Variants in OSTM1 observed in about 807,000 individuals in gnomAD.
OSTM1 encodes the protein osteopetrosis-associated transmembrane protein 1.
OSTM1 carries 26 observed loss-of-function variants against 35.4 expected under a neutral mutation model. That is an observed-to-expected ratio of 0.73 (90% CI 0.54 to 1.02). The LOEUF is 1.02. Ranked by LOEUF, OSTM1 falls within the 50% of genes least tolerant of loss-of-function variation. OSTM1 has a pLI of 0.00. For missense variants in OSTM1, 366 were observed against 409.6 expected (o/e 0.89, Z 0.92); for synonymous variants, 181 against 165.0 (o/e 1.10, Z -0.75).
intron 5 of OSTM1, among the ~76,000 whole-genome samples, chr6:108,046,299 C>T (rs897318882): frequency 3.4e-5 from 5 of 148,026 alleles, no homozygotes; most frequent in East Asian, 2.0e-4. Context: ...GGATTACAGG[C>T]GTGAGCCACC....
chr6:108,045,696 G>A (rs1771955458), intron 5 of OSTM1, among the ~76,000 whole-genome samples: 1 of 152,164 alleles, frequency 6.6e-6, no homozygotes, highest in South Asian at 2.1e-4. Context: ...TAATGGGACT[G>A]AGTCATTAGG....
At chr6:108,063,473 G>A (rs1310488445) in intron 2 of OSTM1, among the ~76,000 whole-genome samples, 1 of 152,160 alleles carries the variant, frequency 6.6e-6, no homozygotes, top group Non-Finnish European at 1.5e-5. Context: ...TCTGTCCTAG[G>A]CTGTATTTGT....
rs192432523 is a variant in OSTM1 at position 108,059,584 on chromosome 6, C to T, written c.517+4601G>A. ...CAGAAAGATAGTTTTGGGCAGTATA[C>T]TCATTTTAATAATATTCTTTCTAGT... is the stretch of plus-strand genomic sequence containing the variant. On this transcript the variant is annotated intron_variant, in intron 2 of 5. Coordinates refer to ENST00000193322, the MANE Select transcript of OSTM1 (RefSeq NM_014028.4). 2.9e-4 allele frequency among the ~76,000 whole-genome samples: 44 copies of T among 152,258 alleles called. No individual in the cohort carries two copies. The East Asian group carries it at 7.9e-3, about 27-fold the overall frequency.
chr6:108,072,854 C>T (rs1360033523), intron 1 of OSTM1, among the ~76,000 whole-genome samples: 1 of 152,110 alleles, frequency 6.6e-6, no homozygotes, highest in Non-Finnish European at 1.5e-5. Flanking sequence ...GCCTTCCAGG[C>T]TCAAGTGATT....
intron 1 of OSTM1, among the ~76,000 whole-genome samples, chr6:108,066,514 G>A (rs577777210): frequency 8.9e-4 from 135 of 152,302 alleles, no homozygotes; most frequent in Non-Finnish European, 1.8e-3. Context: ...GTAAATCAAG[G>A]AAAAGGGAAG....
chr6:108,061,570 G>T (rs1772272161), intron 2 of OSTM1, among the ~76,000 whole-genome samples: 1 of 151,840 alleles, frequency 6.6e-6, no homozygotes, highest in Non-Finnish European at 1.5e-5. Flanking sequence ...CTGTTGCCTA[G>T]GCTGGAGTGC....
chr6:108,054,663 T>C (rs376607705), intron 2 of OSTM1, 76 bp from the exon 3 acceptor site: 13 of 712,434 alleles, frequency 1.8e-5, no homozygotes, highest in African/African-American at 3.5e-5. Context: ...TCTTAAGCTA[T>C]CAGCTTCGTT....
chr6:108,074,228 C>A (rs1772541418), intron 1 of OSTM1, 22 bp downstream of exon 1: 1 of 1,610,384 alleles, frequency 6.2e-7, no homozygotes. Context: ...AGCCACAGTC[C>A]CGGACGTGGT....
intron 3 of OSTM1, among the ~76,000 whole-genome samples, chr6:108,051,434 G>C (rs1772071809): frequency 6.6e-6 from 1 of 152,202 alleles, no homozygotes; most frequent in Non-Finnish European, 1.5e-5. Context: ...ATGTGAAGCA[G>C]ATGGCAAACT....
Position 108,071,460 on chromosome 6 carries a change from ATTTTTT to A in OSTM1, c.402+2784_402+2789del, listed in dbSNP as rs545759140. Among the ~76,000 whole-genome samples, 691 of 103,422 alleles carry A rather than the reference ATTTTTT, an allele frequency of 6.7e-3. 4 individuals carry two copies. Among genetic ancestry groups the A allele is most frequent in the African/African-American group, 0.027 (656 of 24,280 alleles). The allele number at this position is 103,422 out of a possible 152,430, so 67.8% of individuals were successfully genotyped here. ...AGCTGCGCACCACCACACCCGGCTA[ATTTTTT>A]TTTTTTTTTTTTTTTTTTGTATTTT... is the stretch of plus-strand genomic sequence containing the variant. On this transcript the variant is annotated intron_variant, in intron 1 of 5. Coordinates refer to ENST00000193322, the MANE Select transcript of OSTM1 (RefSeq NM_014028.4).
chr6:108,064,215 T>C lies in OSTM1; in HGVS notation c.487A>G (p.Asn163Asp), dbSNP rs1772338615. 3 of 1,598,468 alleles carry C rather than the reference T, an allele frequency of 1.9e-6. No homozygotes were observed. The highest frequency in any genetic ancestry group is 2.6e-6 in the Non-Finnish European group (3 of 1,167,632). Residue 163 changes from asparagine to aspartate, a missense_variant, in exon 2 of 6, where the codon AAT becomes GAT. Around this residue, in one of 3 missense-constraint regions of OSTM1, gnomAD observed 236 missense variants for 239.3 expected, o/e 0.99. Coordinates refer to ENST00000193322, the MANE Select transcript of OSTM1 (RefSeq NM_014028.4). ...CAATTTGCCTCCTGCCATGTGGTAT[T>C]AAAAAATTCTGAGAGAATCACAACT... ...QIVVILSEFF[N>D]TTWQEANCAN...
At position 108,074,301 on chromosome 6, in the gene OSTM1, G is replaced by C. The variant is rs776360383; in HGVS notation, c.351C>G (p.Pro117=). The C allele has an allele frequency of 7.7e-5, 124 of 1,612,334 alleles. No homozygotes were observed. Among genetic ancestry groups the C allele is most frequent in the Admixed American group, 1.0e-4 (6 of 59,974 alleles). Reference sequence around the variant, plus strand: ...TCTTGCTGACGACCTGTTGGAAGAGGGGGTAGCAGGTCTGACAGAGGCGCA... The same window carrying C: ...TCTTGCTGACGACCTGTTGGAAGAGCGGGTAGCAGGTCTGACAGAGGCGCA... ...RPVRLCQTCY[P]LFQQVVSKMD... Residue 117 remains proline, a synonymous_variant, in exon 1 of 6, where the codon CCC becomes CCG. Coordinates refer to ENST00000193322, the MANE Select transcript of OSTM1 (RefSeq NM_014028.4).
At chr6:108,052,147 G>A (rs545249180) in intron 3 of OSTM1, among the ~76,000 whole-genome samples, 1 of 152,234 alleles carries the variant, frequency 6.6e-6, no homozygotes, top group African/African-American at 2.4e-5. Context: ...TAAAAATTGA[G>A]CACAGGGCTG....
intron 1 of OSTM1, among the ~76,000 whole-genome samples, chr6:108,071,362 G>C (rs1772480599): frequency 6.6e-6 from 1 of 151,172 alleles, no homozygotes; most frequent in South Asian, 2.1e-4. Flanking sequence ...TTGGAGAGTG[G>C]TGGCACTATC....
chr6:108,073,348 G>A (rs1442734852), intron 1 of OSTM1, among the ~76,000 whole-genome samples: 1 of 152,058 alleles, frequency 6.6e-6, no homozygotes, highest in African/African-American at 2.4e-5. Context: ...CACACCTCGT[G>A]ACTCCCACCA....
intron 5 of OSTM1, among the ~76,000 whole-genome samples, chr6:108,047,447 T>C (rs1771997045): frequency 6.6e-6 from 1 of 152,242 alleles, no homozygotes; most frequent in Non-Finnish European, 1.5e-5. Context: ...AAAGTAAGTT[T>C]GGATTTATTC....
At position 108,074,507 on chromosome 6, in the gene OSTM1, C is replaced by A. The variant is rs765654411; in HGVS notation, c.145G>T (p.Glu49Ter). ...PHRVFHDLLS[E>*]QQLLEVEDLS... Reference sequence around the variant, plus strand: ...TCCTCCACCTCCAGCAACTGCTGCTCCGACAGGAGGTCGTGGAAGACCCTG... The same window carrying A: ...TCCTCCACCTCCAGCAACTGCTGCTACGACAGGAGGTCGTGGAAGACCCTG... The change falls in exon 1 of 6, where the codon GAG (glutamate) becomes TAG (stop). Residue 49 changes from glutamate to a stop codon, truncating the protein, a stop_gained. Transcript: ENST00000193322. LOFTEE classifies it high-confidence loss of function. 6.4e-7 allele frequency: 1 copy of A among 1,558,784 alleles called. No individual in the cohort carries two copies. Among genetic ancestry groups the A allele is most frequent in the South Asian group, 1.2e-5 (1 of 84,844 alleles).
intron 5 of OSTM1, among the ~76,000 whole-genome samples, chr6:108,047,054 A>T (rs1463711574): frequency 6.6e-6 from 1 of 152,244 alleles, no homozygotes; most frequent in Non-Finnish European, 1.5e-5. Context: ...CAGGCAGGGA[A>T]GACAAACAAA....
rs1175508799 is a variant in OSTM1 at position 108,042,113 on chromosome 6, A to G, written c.*2672T>C. ...GTCCCAATATAAGTAACATTTACCA[A>G]CTAGACTCTGGGCTACACTTTAAAA... On this transcript the variant is annotated 3_prime_UTR_variant, in exon 6 of 6. Transcript: ENST00000193322. The G allele has an allele frequency of 1.3e-5, 2 of 151,710 alleles. No homozygotes were observed. The highest frequency in any genetic ancestry group is 4.8e-5 in the African/African-American group (2 of 41,286). The allele number at this position is 151,710 out of a possible 1,614,324, so 9.4% of individuals were successfully genotyped here. A position where few individuals can be genotyped will look rare whatever the true frequency, so the allele number is the denominator to read the frequency against.
Sources: allele counts gnomAD v4.1 joint callset (sites outside exome capture counted in the v4.1 genomes callset), GRCh38; gene constraint gnomAD v4.1.1; regional missense constraint gnomAD v4.1.1; transcripts MANE v1.5; gene names NCBI Gene and HGNC (gene_info 2026-07-23, HGNC 2026-07-21).